The following CTTNBP2NL variants were observed in gnomAD, a reference collection of about 807,000 sequenced individuals.
CTTNBP2NL encodes CTTNBP2 N-terminal like.
CTTNBP2NL carries 16 observed loss-of-function variants against 32.5 expected under a neutral mutation model. The observed-to-expected ratio is 0.49, with a 90% CI of 0.33 to 0.75. The LOEUF (loss-of-function observed/expected upper bound fraction) is 0.75. Ranked by LOEUF, CTTNBP2NL falls within the 30% of genes least tolerant of loss-of-function variation. The probability of loss-of-function intolerance (pLI) is 0.02; values close to 1 mark genes in which losing one functional copy is unlikely to be tolerated. For synonymous variants in CTTNBP2NL, 298 were observed against 289.4 expected, an observed-to-expected ratio of 1.03 and a Z score of -0.30; for missense variants, 645 against 756.0, an observed-to-expected ratio of 0.85 and a Z score of 1.72.
At chr1:112,433,905 CTTTT>C in intron 3 of CTTNBP2NL, among the ~76,000 whole-genome samples, 1 of 139,620 alleles carries the variant, frequency 7.2e-6, no homozygotes, top group African/African-American at 2.6e-5. Context: ...TCCTTTGTGG[CTTTT>C]TTTTTTTTTA....
At chr1:112,435,001 C>T (rs1415904771) in intron 3 of CTTNBP2NL, among the ~76,000 whole-genome samples, 2 of 151,738 alleles carry the variant, frequency 1.3e-5, no homozygotes, top group African/African-American at 4.8e-5. Context: ...AAATTAGCCA[C>T]ACATGGTGGC....
rs202124796 is a variant in CTTNBP2NL at position 112,430,167 on chromosome 1, C to CTTTCTTTTCT, written c.99+13950_99+13959dup. On this transcript the variant is annotated intron_variant, in intron 3 of 5. Transcript: ENST00000271277. ...CCCATATATAAAAGCTAGCTCTTTTCTTTCTTTTCTTTTCTTTTCTTTTCT... is the reference window on the plus strand; with the variant it reads ...CCCATATATAAAAGCTAGCTCTTTTCTTTCTTTTCTTTTCTTTTCTTTTCTTTTCTTTTCT... Among the ~76,000 whole-genome samples the CTTTCTTTTCT allele has an allele frequency of 7.3e-3, 1,045 of 143,934 alleles. 11 individuals are homozygous for CTTTCTTTTCT. The highest frequency in any genetic ancestry group is 0.023 in the African/African-American group (860 of 37,866). The allele number at this position is 143,934 out of a possible 152,430, so 94.4% of individuals were successfully genotyped here. A position where few individuals can be genotyped will look rare whatever the true frequency, so the allele number is the denominator to read the frequency against.
At chr1:112,431,919 G>C (rs1649577716) in intron 3 of CTTNBP2NL, among the ~76,000 whole-genome samples, 1 of 151,826 alleles carries the variant, frequency 6.6e-6, no homozygotes, top group Non-Finnish European at 1.5e-5. Flanking sequence ...GGGAAACAAA[G>C]CAAGACCCTG....
chr1:112,396,880 G>C (rs1249707740), intron 1 of CTTNBP2NL, among the ~76,000 whole-genome samples: 1 of 152,156 alleles, frequency 6.6e-6, no homozygotes, highest in African/African-American at 2.4e-5. Flanking sequence ...CTCTTGTGAG[G>C]AGTCGAGAGC....
At chr1:112,396,075 C>T (rs1360235310), upstream of CTTNBP2NL, 7 of 152,274 alleles carry the variant, frequency 4.6e-5, no homozygotes, top group Admixed American at 2.6e-4. Flanking sequence ...ATCTTGGGGC[C>T]CCGGGAGGAG....
At chr1:112,426,598 G>A (rs115199030) in intron 3 of CTTNBP2NL, among the ~76,000 whole-genome samples, 2,958 of 150,552 alleles carry the variant, frequency 0.02, 44 homozygotes, top group South Asian at 0.035. Context: ...TTTTCCCTAC[G>A]GCAAAACTTT....
intron 1 of CTTNBP2NL, among the ~76,000 whole-genome samples, chr1:112,411,544 T>G (rs1648866098): frequency 6.6e-6 from 1 of 152,140 alleles, no homozygotes; most frequent in Non-Finnish European, 1.5e-5. Context: ...TTATAGACTG[T>G]GGGGATGTGT....
intron 3 of CTTNBP2NL, among the ~76,000 whole-genome samples, chr1:112,425,654 A>G (rs1295157880): frequency 1.3e-5 from 2 of 151,772 alleles, no homozygotes; most frequent in Admixed American, 6.6e-5. Flanking sequence ...ATTCAAGTCC[A>G]GGAGTTCAAG....
chr1:112,438,057 T>C (rs1241488849), intron 3 of CTTNBP2NL, among the ~76,000 whole-genome samples: 1 of 152,238 alleles, frequency 6.6e-6, no homozygotes, highest in Non-Finnish European at 1.5e-5. Context: ...ATTGTCTAGG[T>C]TGTCTTCCAG....
chr1:112,420,652 A>G (rs954421440), intron 3 of CTTNBP2NL, among the ~76,000 whole-genome samples: 3 of 151,514 alleles, frequency 2.0e-5, no homozygotes, highest in African/African-American at 7.3e-5. Flanking sequence ...TATTTTTTGT[A>G]GAGACAGGGT....
intron 3 of CTTNBP2NL, among the ~76,000 whole-genome samples, chr1:112,441,200 A>G (rs1649882723): frequency 6.6e-6 from 1 of 152,148 alleles, no homozygotes; most frequent in South Asian, 2.1e-4. Context: ...CTTCCCAGTC[A>G]ATCATCCCCC....
intron 3 of CTTNBP2NL, among the ~76,000 whole-genome samples, chr1:112,433,270 G>A (rs1050980291): frequency 2.0e-5 from 3 of 152,134 alleles, no homozygotes; most frequent in Non-Finnish European, 4.4e-5. Flanking sequence ...GTGTGTGTGT[G>A]TATGTGCGTG....
intron 3 of CTTNBP2NL, among the ~76,000 whole-genome samples, chr1:112,441,694 T>C (rs968466650): frequency 2.6e-5 from 4 of 152,198 alleles, no homozygotes; most frequent in African/African-American, 9.6e-5. Flanking sequence ...TACTCTACAT[T>C]CCTTCCAACA....
intron 3 of CTTNBP2NL, among the ~76,000 whole-genome samples, chr1:112,444,593 C>G (rs1450425448): frequency 6.6e-6 from 1 of 152,120 alleles, no homozygotes; most frequent in African/African-American, 2.4e-5. Flanking sequence ...ATCATGTTTT[C>G]TGACAATGTA....
intron 3 of CTTNBP2NL, among the ~76,000 whole-genome samples, chr1:112,447,150 T>G (rs1650070278): frequency 6.6e-6 from 1 of 151,928 alleles, no homozygotes; most frequent in African/African-American, 2.4e-5. Flanking sequence ...GGTGGGCACC[T>G]GTAGTCCCAG....
At chr1:112,421,486 A>G (rs1174825815) in intron 3 of CTTNBP2NL, among the ~76,000 whole-genome samples, 2 of 150,776 alleles carry the variant, frequency 1.3e-5, no homozygotes, top group African/African-American at 2.4e-5. Context: ...TATTTTTAGT[A>G]GAGATGGGGT....
chr1:112,401,257 T>C (rs1260956190), intron 1 of CTTNBP2NL, among the ~76,000 whole-genome samples: 1 of 152,206 alleles, frequency 6.6e-6, no homozygotes, highest in African/African-American at 2.4e-5. Flanking sequence ...TGTTTGCATA[T>C]GTCATGATCT....
chr1:112,441,297 A>G (rs1195040151), intron 3 of CTTNBP2NL, among the ~76,000 whole-genome samples: 1 of 152,212 alleles, frequency 6.6e-6, no homozygotes, highest in African/African-American at 2.4e-5. Context: ...ACAAAGTCAC[A>G]CAGAACATAC....
Position 112,456,847 on chromosome 1 carries a change from A to G in CTTNBP2NL, c.1355A>G (p.Gln452Arg). 1 of 1,614,070 alleles carries G rather than the reference A, an allele frequency of 6.2e-7. No homozygotes were observed. Among genetic ancestry groups the G allele is most frequent in the Non-Finnish European group, 8.5e-7 (1 of 1,180,030 alleles). ...ASSPGYQSSY[Q>R]VGINQRFHAA... ...AGCCCTGGCTACCAGTCATCGTACC[A>G]AGTAGGGATCAACCAACGGTTCCAT... The change falls in exon 6 of 6, where the codon CAA becomes CGA. Residue 452 changes from glutamine to arginine, a missense_variant. Coordinates refer to ENST00000271277, the MANE Select transcript of CTTNBP2NL (RefSeq NM_018704.3).
Sources: allele counts gnomAD v4.1 joint callset (sites outside exome capture counted in the v4.1 genomes callset), GRCh38; gene constraint gnomAD v4.1.1; transcripts MANE v1.5; gene names NCBI Gene and HGNC (gene_info 2026-07-23, HGNC 2026-07-21).